Variants in GULP1 observed in about 807,000 individuals in gnomAD.
The protein encoded by GULP1 is GULP PTB domain containing engulfment adaptor 1, also known as PTB domain-containing engulfment adapter protein 1.
In GULP1, 19 loss-of-function variants were observed where a neutral mutation model predicts 40.9. The observed-to-expected ratio is 0.46, with a 90% confidence interval of 0.32 to 0.68. GULP1 has a LOEUF of 0.68. Ranked by LOEUF, GULP1 falls within the 30% of genes least tolerant of loss-of-function variation. The probability of loss-of-function intolerance (pLI) is 0.03; values close to 1 mark genes in which losing one functional copy is unlikely to be tolerated. For missense variants in GULP1, 312 were observed against 362.2 expected, an observed-to-expected ratio of 0.86 and a Z score of 1.12; for synonymous variants, 119 against 117.6, an observed-to-expected ratio of 1.01 and a Z score of -0.08.
intron 1 of GULP1, among the ~76,000 whole-genome samples, chr2:188,363,938 T>G (rs72909532): frequency 1.9e-3 from 293 of 152,244 alleles, no homozygotes; most frequent in Non-Finnish European, 3.1e-3. Flanking sequence ...ACATCAGATT[T>G]TATATATTAT....
At chr2:188,538,858 A>G (rs1229932647) in intron 6 of GULP1, among the ~76,000 whole-genome samples, 2 of 152,166 alleles carry the variant, frequency 1.3e-5, no homozygotes, top group African/African-American at 2.4e-5. Context: ...TTCTAGATGT[A>G]TGTTGATATT....
intron 3 of GULP1, among the ~76,000 whole-genome samples, chr2:188,480,514 C>G (rs567943363): frequency 6.6e-6 from 1 of 151,734 alleles, no homozygotes; most frequent in East Asian, 1.9e-4. Context: ...ATTGAATTCA[C>G]TGATTTTCTT....
Position 188,433,795 on chromosome 2 carries a change from T to G in GULP1, c.-44-43864T>G, listed in dbSNP as rs139628421. ...CATGACCATGGCTTGTAACACAGCC[T>G]CAGGAAGTCCTGAGAACATGTTCTC... On this transcript the variant is annotated intron_variant, in intron 2 of 11. Coordinates refer to ENST00000409830, the MANE Select transcript of GULP1 (RefSeq NM_016315.4). Among the ~76,000 whole-genome samples the G allele has an allele frequency of 2.6e-5, 4 of 152,138 alleles. No individual in the cohort carries two copies. In the South Asian group the frequency reaches 8.3e-4, roughly 31 times the overall value.
chr2:188,332,175 C>G (rs1480300253), intron 1 of GULP1, among the ~76,000 whole-genome samples: 1 of 146,262 alleles, frequency 6.8e-6, no homozygotes, highest in Admixed American at 7.1e-5. Flanking sequence ...GCCATTCCAT[C>G]GGTCATTTCT....
At chr2:188,520,010 A>G (rs189581214) in intron 4 of GULP1, among the ~76,000 whole-genome samples, 82 of 152,260 alleles carry the variant, frequency 5.4e-4, no homozygotes, top group Middle Eastern at 3.4e-3. Context: ...GAAAACACTC[A>G]TCCCAAACTG....
At chr2:188,311,497 A>T (rs935331300) in intron 1 of GULP1, among the ~76,000 whole-genome samples, 3 of 152,044 alleles carry the variant, frequency 2.0e-5, no homozygotes, top group African/African-American at 7.2e-5. Flanking sequence ...TGCATTGTGG[A>T]GTTAACTTTT....
At chr2:188,393,190 G>A (rs753123760) in intron 2 of GULP1, among the ~76,000 whole-genome samples, 13 of 151,462 alleles carry the variant, frequency 8.6e-5, no homozygotes, top group East Asian at 1.9e-4. Context: ...AAGTCCCCCC[G>A]CGATTACTAT....
At chr2:188,495,845 G>A (rs1217071626) in intron 4 of GULP1, among the ~76,000 whole-genome samples, 1 of 151,724 alleles carries the variant, frequency 6.6e-6, no homozygotes, top group South Asian at 2.1e-4. Context: ...TTTATTACAC[G>A]GAAAAAAAAG....
intron 4 of GULP1, among the ~76,000 whole-genome samples, chr2:188,518,274 C>T (rs1223846961): frequency 2.0e-5 from 3 of 151,922 alleles, no homozygotes; most frequent in East Asian, 1.9e-4. Flanking sequence ...AAAGCAGAGC[C>T]GACAAGAAGA....
intron 1 of GULP1, among the ~76,000 whole-genome samples, chr2:188,308,382 CT>C (rs1272720714): frequency 6.6e-6 from 1 of 151,938 alleles, no homozygotes. Context: ...AATAATTTTC[CT>C]CAGTATTAAA....
At chr2:188,506,810 T>C (rs543140338) in intron 4 of GULP1, among the ~76,000 whole-genome samples, 5 of 152,048 alleles carry the variant, frequency 3.3e-5, no homozygotes, top group Non-Finnish European at 5.9e-5. Flanking sequence ...ATGTCAGTGT[T>C]TACATGGGAA....
chr2:188,405,781 C>T (rs2053000825), intron 2 of GULP1, among the ~76,000 whole-genome samples: 1 of 152,206 alleles, frequency 6.6e-6, no homozygotes, highest in Non-Finnish European at 1.5e-5. Flanking sequence ...ATGATCTACT[C>T]AGAATTTCTG....
intron 2 of GULP1, among the ~76,000 whole-genome samples, chr2:188,423,027 C>T (rs1050980853): frequency 3.3e-5 from 5 of 152,094 alleles, no homozygotes; most frequent in African/African-American, 1.2e-4. Flanking sequence ...GCTATATAAT[C>T]TGCTTTTCAA....
chr2:188,451,694 A>G (rs1231916777), intron 2 of GULP1, among the ~76,000 whole-genome samples: 3 of 152,144 alleles, frequency 2.0e-5, no homozygotes, highest in Non-Finnish European at 2.9e-5. Flanking sequence ...TGCACTTTGT[A>G]AACTATGTAA....
At chr2:188,319,742 A>G (rs2039686343) in intron 1 of GULP1, among the ~76,000 whole-genome samples, 1 of 152,032 alleles carries the variant, frequency 6.6e-6, no homozygotes, top group African/African-American at 2.4e-5. Context: ...ATGACCCCAT[A>G]TTGCATTTCT....
At chr2:188,555,534 C>T (rs1370377675) in intron 7 of GULP1, among the ~76,000 whole-genome samples, 3 of 152,070 alleles carry the variant, frequency 2.0e-5, no homozygotes, top group Admixed American at 2.0e-4. Flanking sequence ...ATATTTTAGC[C>T]CATTCTCTTC....
chr2:188,500,282 ACTTT>A (rs1192845665), intron 4 of GULP1, among the ~76,000 whole-genome samples: 1 of 151,906 alleles, frequency 6.6e-6, no homozygotes, highest in African/African-American at 2.4e-5. Flanking sequence ...ATATAAGGTT[ACTTT>A]CTTTCTGTTG....
At chr2:188,572,339 G>C (rs185760809) in intron 9 of GULP1, among the ~76,000 whole-genome samples, 52 of 152,242 alleles carry the variant, frequency 3.4e-4, no homozygotes, top group African/African-American at 1.2e-3. Flanking sequence ...GTTTTAAAAT[G>C]AATTAGCACT....
intron 2 of GULP1, among the ~76,000 whole-genome samples, chr2:188,420,592 A>G (rs1294645334): frequency 6.6e-6 from 1 of 152,120 alleles, no homozygotes; most frequent in Non-Finnish European, 1.5e-5. Flanking sequence ...GACACCAGAG[A>G]GGGTGTAAGT....
Sources: allele counts gnomAD v4.1 joint callset (sites outside exome capture counted in the v4.1 genomes callset), GRCh38; gene constraint gnomAD v4.1.1; transcripts MANE v1.5; gene names NCBI Gene and HGNC (gene_info 2026-07-23, HGNC 2026-07-21).